The following CEP68 variants were observed in gnomAD, a reference collection of about 807,000 sequenced individuals.
The protein encoded by CEP68 is centrosomal protein 68.
CEP68 carries 26 observed loss-of-function variants against 55.3 expected under a neutral mutation model. The ratio of observed to expected loss-of-function variants is 0.47; its 90% CI spans 0.34 to 0.65. CEP68 has a LOEUF of 0.65. Among genes scored for constraint, CEP68 ranks in the 30% least tolerant of loss-of-function variants. The pLI is 0.01. For synonymous variants in CEP68, 402 were observed against 383.2 expected (o/e 1.05, Z -0.57); for missense variants, 957 against 946.7 (o/e 1.01, Z -0.14).
intron 2 of CEP68, chr2:65,070,672 G>A (rs1342311809): frequency 3.9e-5 from 6 of 152,094 alleles, no homozygotes; most frequent in Non-Finnish European, 5.9e-5. Flanking sequence ...GAGGCAGGAA[G>A]CGAATCATAA....
In CEP68 at chr2:65,072,235, C is replaced by A; in HGVS notation, c.1139C>A (p.Ser380Tyr). Residue 380 changes from serine to tyrosine, a missense_variant, in exon 3 of 7, where the codon TCC becomes TAC. Ser to Tyr is a moderately radical substitution (Grantham distance 144). Transcript: ENST00000377990. ...PREPSLKQWP[S>Y]RVPQKQGGMG... Reference sequence around the variant, plus strand: ...GAGCCAAGCCTTAAGCAGTGGCCCTCCAGAGTACCCCAGAAACAGGGTGGC... The same window carrying A: ...GAGCCAAGCCTTAAGCAGTGGCCCTACAGAGTACCCCAGAAACAGGGTGGC... 6.2e-7 allele frequency: 1 copy of A among 1,614,178 alleles called. No individual in the cohort carries two copies. Among genetic ancestry groups the A allele is most frequent in the Non-Finnish European group, 8.5e-7 (1 of 1,180,034 alleles).
chr2:65,075,981 C>A (rs903540552), intron 4 of CEP68, among the ~76,000 whole-genome samples: 1 of 151,784 alleles, frequency 6.6e-6, no homozygotes, highest in Non-Finnish European at 1.5e-5. Context: ...CCTTGCTTGA[C>A]CTGGGCAGGC....
rs959306372 is a variant in CEP68 at position 65,069,451 on chromosome 2, C to A, written c.7C>A (p.Leu3Met). Residue 3 changes from leucine to methionine, a missense_variant, in exon 2 of 7, where the codon CTG becomes ATG. Coordinates refer to ENST00000377990, the MANE Select transcript of CEP68 (RefSeq NM_015147.3). ...ACCTAGGTAGGGAGTCTCAATGGCC[C>A]TGGGTGAAGAAAAGGCAGAAGCGGA... Reference protein sequence around the residue: MALGEEKAEAEAS... With the variant: MAMGEEKAEAEAS... The A allele has an allele frequency of 1.3e-6, 2 of 1,514,318 alleles. No homozygotes were observed. Among genetic ancestry groups the A allele is most frequent in the Admixed American group, 2.2e-5 (1 of 44,896 alleles). 93.8% of individuals were successfully genotyped at this position (1,514,318 alleles called of 1,614,324 possible).
chr2:65,066,745 A>AAAAAAAATAT (rs70943620), intron 1 of CEP68, among the ~76,000 whole-genome samples: 26 of 58,390 alleles, frequency 4.5e-4, no homozygotes, highest in African/African-American at 2.2e-3. Flanking sequence ...AAAAAAAAAA[A>AAAAAAAATAT]ATATATATAT....
At position 65,074,320 on chromosome 2, in the gene CEP68, G is replaced by A. The variant is rs376614865; in HGVS notation, c.1923G>A (p.Leu641=). The A allele has an allele frequency of 4.4e-5, 71 of 1,614,090 alleles. No homozygotes were observed. The highest frequency in any genetic ancestry group is 1.6e-4 in the Middle Eastern group (1 of 6,084). ...CCQLEELICW[L]YNVADVTDHG... is the part of the protein sequence containing the mutation. ...AGCTGGAAGAGCTGATCTGCTGGCT[G>A]TATAATGTTGCAGATGTTACTGACC... Residue 641 remains leucine, a synonymous_variant, in exon 4 of 7, where the codon CTG becomes CTA. Transcript: ENST00000377990.
At position 65,072,092 on chromosome 2, in the gene CEP68, C is replaced by G. The variant is rs140989801; in HGVS notation, c.996C>G (p.Ser332=). ...CAGCTGACCCTGTCCTGCAGGACTC[C>G]GGGGTAGACCTGGATAGCTTCTCTG... The part of the protein sequence containing the change: ...RVPADPVLQD[S]GVDLDSFSVS... Residue 332 remains serine, a synonymous_variant, in exon 3 of 7, where the codon TCC becomes TCG. Transcript: ENST00000377990. The G allele has an allele frequency of 6.2e-7, 1 of 1,614,050 alleles. No homozygotes were observed. Among genetic ancestry groups the G allele is most frequent in the Non-Finnish European group, 8.5e-7 (1 of 1,180,018 alleles).
Position 65,072,117 on chromosome 2 carries a change from GTC to G in CEP68, c.1026_1027del (p.Pro343SerfsTer9). On this transcript the variant is annotated frameshift_variant, in exon 3 of 7. Transcript: ENST00000377990. LOFTEE classifies it high-confidence loss of function. Reference protein sequence around the residue: ...DSGVDLDSFSVSPASTLKSPT... With the variant: ...DSGVDLDSFSXSPASTLKSPT... ...CGGGGTAGACCTGGATAGCTTCTCT[GTC>G]TCTCCAGCAAGCACCCTCAAATCAC... The G allele has an allele frequency of 6.2e-7, 1 of 1,614,018 alleles. No homozygotes were observed. The highest frequency in any genetic ancestry group is 8.5e-7 in the Non-Finnish European group (1 of 1,180,012).
In CEP68 at chr2:65,071,783, G is replaced by A; in HGVS notation, c.687G>A (p.Glu229=). 6.2e-7 allele frequency: 1 copy of A among 1,611,780 alleles called. No individual in the cohort carries two copies. Among genetic ancestry groups the A allele is most frequent in the East Asian group, 2.2e-5 (1 of 44,852 alleles). Residue 229 remains glutamate (E), a synonymous_variant, in exon 3 of 7, where the codon GAG becomes GAA. Transcript: ENST00000377990. ...GSLAKVSSSL[E]PVVPQEPSSV... is the part of the protein sequence containing the mutation. ...TGGCCAAGGTCTCCTCCTCCCTGGAGCCGGTCGTCCCCCAGGAACCTTCCT... is the reference window on the plus strand; with the variant it reads ...TGGCCAAGGTCTCCTCCTCCCTGGAACCGGTCGTCCCCCAGGAACCTTCCT...
rs774321106 is a variant in CEP68 at position 65,072,193 on chromosome 2, C to T, written c.1097C>T (p.Pro366Leu). ...NCPPAEATALPFSGPREPSLK... is the reference protein window; with the variant it reads ...NCPPAEATALLFSGPREPSLK... ...CCACCAGCAGAGGCCACTGCCCTGC[C>T]ATTTTCTGGGCCCAGAGAGCCAAGC... is the stretch of plus-strand genomic sequence containing the variant. The change falls in exon 3 of 7, where the codon CCA becomes CTA. Residue 366 changes from proline (P) to leucine (L), a missense_variant. Physicochemically the swap from Pro to Leu is moderately conservative, Grantham distance 98 (BLOSUM62 -3). Transcript: ENST00000377990. 1.7e-5 allele frequency: 27 copies of T among 1,613,990 alleles called. No individual in the cohort carries two copies. The highest frequency in any genetic ancestry group is 2.1e-5 in the Non-Finnish European group (25 of 1,180,030).
intron 1 of CEP68, among the ~76,000 whole-genome samples, chr2:65,061,964 T>C (rs981014955): frequency 1.3e-5 from 2 of 152,246 alleles, no homozygotes; most frequent in African/African-American, 2.4e-5. Flanking sequence ...TTTCATGTTA[T>C]TGGAGAAAGA....
chr2:65,075,589 A>G (rs1159918557), intron 4 of CEP68, among the ~76,000 whole-genome samples: 2 of 152,192 alleles, frequency 1.3e-5, no homozygotes, highest in African/African-American at 4.8e-5. Flanking sequence ...TGGCATAATA[A>G]TAGGTCCCCT....
In CEP68 at chr2:65,069,552, C is replaced by A. The variant is rs745702839; in HGVS notation, c.108C>A (p.Pro36=). ...AGCGGGAGCTGGACATCCCAGGGCC[C>A]ATGAGTGGGGAGCAGCCCCCACGCC... The part of the protein sequence containing the change: ...CRERELDIPG[P]MSGEQPPRLE... The change falls in exon 2 of 7, where the codon CCC becomes CCA. Residue 36 remains proline, a synonymous_variant. Transcript: ENST00000377990. 1.2e-6 allele frequency: 2 copies of A among 1,610,560 alleles called. No individual in the cohort carries two copies. Among genetic ancestry groups the A allele is most frequent in the East Asian group, 4.5e-5 (2 of 44,818 alleles).
In CEP68 at chr2:65,072,782, C is replaced by T. The variant is rs968572116; in HGVS notation, c.1686C>T (p.Phe562=). ...EGQNPCFLRS[F]VRAHDSAGEG... ...AGAATCCCTGTTTCCTGCGCTCCTTCGTCCGTGCCCACGACTCCGCAGGGG... is the reference window on the plus strand; with the variant it reads ...AGAATCCCTGTTTCCTGCGCTCCTTTGTCCGTGCCCACGACTCCGCAGGGG... The change falls in exon 3 of 7, where the codon TTC becomes TTT. Residue 562 remains phenylalanine, a synonymous_variant. Transcript: ENST00000377990. 7 of 1,614,162 alleles carry T rather than the reference C, an allele frequency of 4.3e-6. No homozygotes were observed. The highest frequency in any genetic ancestry group is 3.4e-6 in the Non-Finnish European group (4 of 1,180,028).
chr2:65,068,414 C>A lies in CEP68; in HGVS notation c.-46-985C>A, dbSNP rs543948586. On this transcript the variant is annotated intron_variant, in intron 1 of 6. Transcript: ENST00000377990. ...TCGCCTGCCTGCCTGCTGATTGGCT[C>A]TTGCTCTCATGTGCACACATGCTGT... Among the ~76,000 whole-genome samples the A allele has an allele frequency of 7.9e-5, 12 of 152,300 alleles. No homozygotes were observed. The South Asian group carries it at 2.3e-3, about 29-fold the overall frequency.
chr2:65,061,218 T>A (rs1407498681), intron 1 of CEP68, among the ~76,000 whole-genome samples: 1 of 152,148 alleles, frequency 6.6e-6, no homozygotes, highest in African/African-American at 2.4e-5. Flanking sequence ...CCTTGCCTTG[T>A]AAATGAGAAC....
rs746213881 is a variant in CEP68 at position 65,072,394 on chromosome 2, T to G, written c.1298T>G (p.Met433Arg). 4 of 1,613,778 alleles carry G rather than the reference T, an allele frequency of 2.5e-6. No homozygotes were observed. The highest frequency in any genetic ancestry group is 3.4e-6 in the Non-Finnish European group (4 of 1,180,022). The change falls in exon 3 of 7, where the codon ATG (methionine) becomes AGG (arginine). Residue 433 changes from methionine to arginine, a missense_variant. Transcript: ENST00000377990. Reference sequence around the variant, plus strand: ...CTGACTATAGGCAAGCACCTTGATATGGGCTCTCCCCAGCTAAGGACACGG... The same window carrying G: ...CTGACTATAGGCAAGCACCTTGATAGGGGCTCTCCCCAGCTAAGGACACGG... ...DRLTIGKHLDMGSPQLRTRDR... is the reference protein window; with the variant it reads ...DRLTIGKHLDRGSPQLRTRDR...
chr2:65,081,961 T>C (rs1668844178), intron 5 of CEP68, among the ~76,000 whole-genome samples: 1 of 152,170 alleles, frequency 6.6e-6, no homozygotes, highest in African/African-American at 2.4e-5. Context: ...CCTCCCAAAG[T>C]GTTGTTGGGA....
intron 1 of CEP68, among the ~76,000 whole-genome samples, chr2:65,061,542 C>T (rs957363042): frequency 1.3e-5 from 2 of 152,252 alleles, no homozygotes; most frequent in Admixed American, 6.5e-5. Context: ...TGAGTCTTTT[C>T]TTCATTTTCA....
intron 1 of CEP68, among the ~76,000 whole-genome samples, chr2:65,066,384 C>G (rs1190570525): frequency 6.6e-6 from 1 of 151,884 alleles, no homozygotes; most frequent in Non-Finnish European, 1.5e-5. Context: ...ATCACGAGGT[C>G]AGAAGTTCAA....
Sources: allele counts gnomAD v4.1 joint callset (sites outside exome capture counted in the v4.1 genomes callset), GRCh38; gene constraint gnomAD v4.1.1; transcripts MANE v1.5; gene names NCBI Gene and HGNC (gene_info 2026-07-23, HGNC 2026-07-21).